The following TMEM132D variants were observed in gnomAD, a reference collection of about 807,000 sequenced individuals.
The protein encoded by TMEM132D is mature OL transmembrane protein.
A neutral mutation model predicts 62.3 loss-of-function variants in TMEM132D; 21 were observed. The observed-to-expected ratio is 0.34, with a 90% CI of 0.24 to 0.49. The LOEUF is 0.49. TMEM132D is among the 20% of genes least tolerant of loss of function. TMEM132D has a pLI of 0.99. For synonymous variants in TMEM132D, 621 were observed against 575.6 expected (o/e 1.08, Z -1.13); for missense variants, 1,346 against 1,402.8 (o/e 0.96, Z 0.65).
intron 1 of TMEM132D, among the ~76,000 whole-genome samples, chr12:129,758,858 A>G (rs1870256890): frequency 1.3e-5 from 2 of 152,108 alleles, no homozygotes; most frequent in Non-Finnish European, 2.9e-5. Context: ...TGATCTAGTA[A>G]TTTTATAGAG....
chr12:129,272,691 T>C (rs1294518662), intron 4 of TMEM132D, among the ~76,000 whole-genome samples: 1 of 151,686 alleles, frequency 6.6e-6, no homozygotes, highest in Non-Finnish European at 1.5e-5. Flanking sequence ...AGACCTTAAT[T>C]GGAGGCATTA....
intron 3 of TMEM132D, among the ~76,000 whole-genome samples, chr12:129,446,383 G>C (rs1873098576): frequency 6.6e-6 from 1 of 152,170 alleles, no homozygotes; most frequent in South Asian, 2.1e-4. Context: ...CTCCGGAGCT[G>C]TGCTAATTCC....
At position 129,447,008 on chromosome 12, in the gene TMEM132D, G is replaced by A. The variant is rs557996326; in HGVS notation, c.1115+84051C>T. On this transcript the variant is annotated intron_variant, in intron 3 of 8. Transcript: ENST00000422113. ...AACCATCAATTCAAATCTAAAACAA[G>A]CTAATCTGCAGTGTAGAGAATCCTG... Among the ~76,000 whole-genome samples the A allele has an allele frequency of 7.2e-5, 11 of 152,280 alleles. No homozygotes were observed. In the South Asian group the frequency reaches 2.3e-3, roughly 32 times the overall value.
intron 2 of TMEM132D, among the ~76,000 whole-genome samples, chr12:129,577,968 A>G (rs1437822696): frequency 6.6e-6 from 1 of 152,228 alleles, no homozygotes; most frequent in Non-Finnish European, 1.5e-5. Context: ...AGTAAAGAAC[A>G]TCATCCTCGC....
At chr12:129,095,741 A>G (rs1463866945) in intron 5 of TMEM132D, among the ~76,000 whole-genome samples, 3 of 152,242 alleles carry the variant, frequency 2.0e-5, no homozygotes, top group Admixed American at 6.5e-5. Context: ...TCATGGGAGA[A>G]CACAGTGAGA....
intron 4 of TMEM132D, among the ~76,000 whole-genome samples, chr12:129,287,230 C>G (rs887563513): frequency 1.3e-5 from 2 of 151,966 alleles, no homozygotes; most frequent in Admixed American, 6.6e-5. Flanking sequence ...CGGGATACTT[C>G]GAGGAAGAAA....
intron 4 of TMEM132D, among the ~76,000 whole-genome samples, chr12:129,216,961 T>C (rs1281716923): frequency 6.6e-6 from 1 of 152,244 alleles, no homozygotes; most frequent in Non-Finnish European, 1.5e-5. Flanking sequence ...CTTATTTAAA[T>C]TGACTTATTT....
At chr12:129,807,688 G>A (rs193125973) in intron 1 of TMEM132D, among the ~76,000 whole-genome samples, 1 of 152,268 alleles carries the variant, frequency 6.6e-6, no homozygotes, top group Admixed American at 6.5e-5. Context: ...AAGCAATTCA[G>A]GTGTGAAAGG....
intron 3 of TMEM132D, among the ~76,000 whole-genome samples, chr12:129,358,934 T>C (rs549495985): frequency 6.8e-6 from 1 of 148,104 alleles, no homozygotes; most frequent in African/African-American, 2.5e-5. Flanking sequence ...GCTGTTGAGC[T>C]GTGGGTAGAA....
At chr12:129,243,252 A>T (rs1401220053) in intron 4 of TMEM132D, among the ~76,000 whole-genome samples, 2 of 152,226 alleles carry the variant, frequency 1.3e-5, no homozygotes, top group African/African-American at 4.8e-5. Flanking sequence ...AGTGACTGAA[A>T]GCACTTTCGT....
chr12:129,512,833 CAGAAGT>C (rs1566093241), intron 3 of TMEM132D, among the ~76,000 whole-genome samples: 4 of 152,324 alleles, frequency 2.6e-5, no homozygotes, highest in Admixed American at 2.6e-4. Flanking sequence ...AAGAGCAAAG[CAGAAGT>C]AGAAATGTAG....
intron 1 of TMEM132D, among the ~76,000 whole-genome samples, chr12:129,816,040 C>G (rs1872333372): frequency 6.6e-6 from 1 of 152,136 alleles, no homozygotes; most frequent in Non-Finnish European, 1.5e-5. Flanking sequence ...CGCTGGTGAC[C>G]CAGTTCACCT....
chr12:129,319,220 C>T (rs1028922674), intron 4 of TMEM132D, among the ~76,000 whole-genome samples: 2 of 152,210 alleles, frequency 1.3e-5, no homozygotes, highest in African/African-American at 4.8e-5. Context: ...CCCCATAGAT[C>T]CTTGTGGTGC....
intron 2 of TMEM132D, among the ~76,000 whole-genome samples, chr12:129,540,067 A>T (rs201165673): frequency 2.0e-5 from 3 of 151,232 alleles, no homozygotes; most frequent in East Asian, 1.9e-4. Flanking sequence ...GTGGGCTTTT[A>T]TTTTTTTTTT....
intron 5 of TMEM132D, among the ~76,000 whole-genome samples, chr12:129,097,773 C>G (rs7307728): frequency 0.71 from 108,369 of 152,174 alleles, 39,345 homozygotes; most frequent in African/African-American, 0.86. Context: ...AACTTTTCCT[C>G]CCTTTGTTTC....
rs549875401 is a variant in TMEM132D at position 129,255,028 on chromosome 12, C to T, written c.1300-45365G>A. On this transcript the variant is annotated intron_variant, in intron 4 of 8. Coordinates refer to ENST00000422113, the MANE Select transcript of TMEM132D (RefSeq NM_133448.3). ...CACTGTCCCTTTGGTGCTGTTCTCA[C>T]GATAGAGTTCTCACAAAATCTGGTT... 1.2e-4 allele frequency among the ~76,000 whole-genome samples: 19 copies of T among 152,236 alleles called. No individual in the cohort carries two copies. In the South Asian group the frequency reaches 3.1e-3, roughly 25 times the overall value.
At chr12:129,235,993 T>G (rs1879768406) in intron 4 of TMEM132D, among the ~76,000 whole-genome samples, 1 of 146,862 alleles carries the variant, frequency 6.8e-6, no homozygotes. Flanking sequence ...GGAATATCTT[T>G]CTATTTATTT....
intron 3 of TMEM132D, among the ~76,000 whole-genome samples, chr12:129,486,699 G>T (rs1290694127): frequency 6.6e-6 from 1 of 152,150 alleles, no homozygotes; most frequent in Non-Finnish European, 1.5e-5. Flanking sequence ...ATAGAATGAG[G>T]TGCTTACCTC....
At chr12:129,746,734 G>A (rs190840159) in intron 1 of TMEM132D, among the ~76,000 whole-genome samples, 1 of 152,160 alleles carries the variant, frequency 6.6e-6, no homozygotes, top group Admixed American at 6.5e-5. Context: ...CTACAGAAGC[G>A]ACAGTGTCAC....
Sources: allele counts gnomAD v4.1 joint callset (sites outside exome capture counted in the v4.1 genomes callset), GRCh38; gene constraint gnomAD v4.1.1; transcripts MANE v1.5; gene names NCBI Gene and HGNC (gene_info 2026-07-23, HGNC 2026-07-21).